Variants in DPP10 observed in about 807,000 individuals in gnomAD.
DPP10 encodes the protein dipeptidyl peptidase like 10, also known as inactive dipeptidyl peptidase 10.
A neutral mutation model predicts 120.9 loss-of-function variants in DPP10; 33 were observed. The observed-to-expected ratio is 0.27, with a 90% CI of 0.21 to 0.37. The LOEUF is 0.37. Ranked by LOEUF, DPP10 falls within the 10% of genes least tolerant of loss-of-function variation. The pLI, the probability that DPP10 is intolerant of heterozygous loss-of-function variation, is 1.00. For missense variants in DPP10, 816 were observed against 942.8 expected (o/e 0.87, Z 1.76); for synonymous variants, 337 against 326.1 (o/e 1.03, Z -0.36).
At chr2:115,182,164 AAAT>A (rs2054125205) in intron 1 of DPP10, among the ~76,000 whole-genome samples, 1 of 152,226 alleles carries the variant, frequency 6.6e-6, no homozygotes. Flanking sequence ...GGTATATTCC[AAAT>A]AATCTTTTCG....
At chr2:115,747,712 G>C (rs1472718971) in intron 10 of DPP10, among the ~76,000 whole-genome samples, 1 of 151,250 alleles carries the variant, frequency 6.6e-6, no homozygotes, top group Non-Finnish European at 1.5e-5. Flanking sequence ...TCTTGCCTCA[G>C]CCTACTGAAT....
chr2:115,406,911 G>GA (rs2068550773), intron 3 of DPP10, among the ~76,000 whole-genome samples: 1 of 152,118 alleles, frequency 6.6e-6, no homozygotes, highest in African/African-American at 2.4e-5. Flanking sequence ...CAACAAACAT[G>GA]AAAAATACTA....
chr2:115,007,065 C>T (rs1701905496), intron 1 of DPP10, among the ~76,000 whole-genome samples: 1 of 152,076 alleles, frequency 6.6e-6, no homozygotes, highest in African/African-American at 2.4e-5. Flanking sequence ...TTAAGAATCT[C>T]ACTCAAAACT....
intron 1 of DPP10, among the ~76,000 whole-genome samples, chr2:115,147,595 A>G (rs1401983889): frequency 6.6e-6 from 1 of 152,150 alleles, no homozygotes; most frequent in African/African-American, 2.4e-5. Context: ...TTTCATTATT[A>G]TTATTCTCAA....
intron 5 of DPP10, among the ~76,000 whole-genome samples, chr2:115,544,531 G>A (rs1193448223): frequency 4.6e-5 from 7 of 152,002 alleles, no homozygotes; most frequent in Non-Finnish European, 1.0e-4. Context: ...GGATTATTTT[G>A]TATTTGTCCC....
At chr2:115,583,325 G>A (rs1416038046) in intron 5 of DPP10, among the ~76,000 whole-genome samples, 1 of 152,148 alleles carries the variant, frequency 6.6e-6, no homozygotes, top group African/African-American at 2.4e-5. Flanking sequence ...CTATATCATA[G>A]TTTTCTTGGG....
At chr2:115,542,311 A>G (rs952259432) in intron 5 of DPP10, among the ~76,000 whole-genome samples, 1 of 151,990 alleles carries the variant, frequency 6.6e-6, no homozygotes, top group Non-Finnish European at 1.5e-5. Flanking sequence ...GGAATGATAT[A>G]TAAACAGAAT....
intron 3 of DPP10, among the ~76,000 whole-genome samples, chr2:115,486,271 G>A (rs1422009210): frequency 6.6e-6 from 1 of 151,794 alleles, no homozygotes; most frequent in East Asian, 1.9e-4. Context: ...ACTGGCACTA[G>A]TAACATATCC....
intron 1 of DPP10, among the ~76,000 whole-genome samples, chr2:114,819,224 C>T (rs1332774418): frequency 2.7e-5 from 4 of 147,694 alleles, no homozygotes; most frequent in Admixed American, 2.0e-4. Flanking sequence ...TTTAGATAGA[C>T]GTTTCAAGGA....
chr2:115,570,581 C>T (rs151171576), intron 5 of DPP10, among the ~76,000 whole-genome samples: 1 of 152,180 alleles, frequency 6.6e-6, no homozygotes, highest in African/African-American at 2.4e-5. Flanking sequence ...CCATCTCGCT[C>T]TGTCATCTTC....
intron 10 of DPP10, chr2:115,750,278 G>A (rs1678537974): frequency 2.3e-6 from 2 of 862,720 alleles, no homozygotes; most frequent in Non-Finnish European, 2.8e-6. Context: ...ATCACAGGGA[G>A]ATGTACACCT....
intron 1 of DPP10, among the ~76,000 whole-genome samples, chr2:114,862,913 AC>A (rs70941011): frequency 0.78 from 98,833 of 126,260 alleles, 36,292 homozygotes; most frequent in East Asian, 0.88. Context: ...AAAAAAAAAA[AC>A]CCCTCTTCTT....
At chr2:115,021,145 C>T (rs890243252) in intron 1 of DPP10, among the ~76,000 whole-genome samples, 1 of 149,880 alleles carries the variant, frequency 6.7e-6, no homozygotes, top group Non-Finnish European at 1.5e-5. Context: ...CCAAACCCAA[C>T]AGTAGAAAAG....
At chr2:114,521,581 T>C (rs926789833) in intron 1 of DPP10, among the ~76,000 whole-genome samples, 2 of 152,100 alleles carry the variant, frequency 1.3e-5, no homozygotes, top group African/African-American at 4.8e-5. Context: ...ATTTAAAATA[T>C]TTGTTAAAAT....
At chr2:115,486,311 G>T (rs2075776746) in intron 3 of DPP10, among the ~76,000 whole-genome samples, 1 of 152,038 alleles carries the variant, frequency 6.6e-6, no homozygotes, top group Non-Finnish European at 1.5e-5. Context: ...ATGCTAATGA[G>T]AAGACATTGC....
chr2:114,916,876 A>C (rs1434050828), intron 1 of DPP10, among the ~76,000 whole-genome samples: 1 of 152,200 alleles, frequency 6.6e-6, no homozygotes, highest in South Asian at 2.1e-4. Context: ...TGAGTGGGCA[A>C]AAGTTGGAAG....
At chr2:115,171,048 T>A (rs547350758) in intron 1 of DPP10, among the ~76,000 whole-genome samples, 2 of 152,258 alleles carry the variant, frequency 1.3e-5, no homozygotes, top group South Asian at 4.1e-4. Flanking sequence ...TAAGAGTTGA[T>A]TGACTTTCTG....
intron 1 of DPP10, among the ~76,000 whole-genome samples, chr2:114,457,440 A>C (rs952334538): frequency 1.3e-5 from 2 of 152,176 alleles, no homozygotes; most frequent in African/African-American, 4.8e-5. Flanking sequence ...CTGTTGTTGC[A>C]GGTGAGGAAA....
chr2:115,789,724 T>C (rs921212987), intron 17 of DPP10, among the ~76,000 whole-genome samples: 5 of 152,158 alleles, frequency 3.3e-5, no homozygotes, highest in Non-Finnish European at 4.4e-5. Context: ...TTGTGGAATA[T>C]ACACACAATA....
Sources: gnomAD v4.1 joint callset for allele counts (sites outside exome capture counted in the v4.1 genomes callset) on GRCh38, gnomAD v4.1.1 for gene constraint, MANE v1.5 for transcripts, NCBI Gene and HGNC (gene_info 2026-07-23, HGNC 2026-07-21) for gene names.